Variants in C2CD2L observed in about 807,000 individuals in gnomAD.
The protein encoded by C2CD2L is C2CD2 like, also known as phospholipid transfer protein C2CD2L.
Under a neutral mutation model 69.9 loss-of-function variants are expected in C2CD2L, and 24 were observed. The ratio of observed to expected loss-of-function variants is 0.34; its 90% CI spans 0.25 to 0.48. The LOEUF (loss-of-function observed/expected upper bound fraction) is 0.48, where lower values mean the gene tolerates loss of function less well. Among genes scored for constraint, C2CD2L ranks in the 20% least tolerant of loss-of-function variants. The probability of loss-of-function intolerance (pLI) is 0.99; values close to 1 mark genes in which losing one functional copy is unlikely to be tolerated. For missense variants in C2CD2L, 811 were observed against 941.5 expected (o/e 0.86, Z 1.81); for synonymous variants, 367 against 391.0 (o/e 0.94, Z 0.72).
intron 4 of C2CD2L, 46 bp downstream of exon 4, chr11:119,111,003 G>T: frequency 6.2e-7 from 1 of 1,612,984 alleles, no homozygotes; most frequent in Non-Finnish European, 8.5e-7. Context: ...GGGGAGGGAG[G>T]CAGAGGTGGG....
Position 119,110,670 on chromosome 11 carries a change from C to T in C2CD2L, c.560C>T (p.Pro187Leu). 1.2e-6 allele frequency: 2 copies of T among 1,613,872 alleles called. No homozygotes were observed. Among genetic ancestry groups the T allele is most frequent in the Non-Finnish European group, 1.7e-6 (2 of 1,180,034 alleles). The change falls in exon 3 of 14, where the codon CCA becomes CTA. Residue 187 changes from proline to leucine, a missense_variant. Transcript: ENST00000648610. The surrounding 1 kb of genome is among the most constrained non-coding windows in gnomAD (Gnocchi z 5.7). The stretch of plus-strand genomic sequence containing the variant: ...ACCTACCACGTCACTCTGACACTGC[C>T]ACCAACACAGGTAGAAGGGGATGTG... Reference protein sequence around the residue: ...METYHVTLTLPPTQLEVNLEE... With the variant: ...METYHVTLTLLPTQLEVNLEE...
chr11:119,113,525 C>G (rs1330588193), intron 10 of C2CD2L, 86 bp from the exon 11 acceptor site: 3 of 1,503,338 alleles, frequency 2.0e-6, no homozygotes, highest in Non-Finnish European at 2.7e-6. Context: ...TCTGAGTCAC[C>G]CAAAGTCTGC....
chr11:119,102,745 C>T (rs1388932827), upstream of C2CD2L, among the ~76,000 whole-genome samples: 2 of 151,772 alleles, frequency 1.3e-5, no homozygotes. Flanking sequence ...TCCTGTGAGT[C>T]TGAGGAACTC....
At chr11:119,103,889 C>T (rs1378990714), upstream of C2CD2L, among the ~76,000 whole-genome samples, 1 of 152,148 alleles carries the variant, frequency 6.6e-6, no homozygotes, top group Admixed American at 6.5e-5. Context: ...TGTGTATGCA[C>T]GTGTGCCCCT....
In C2CD2L at chr11:119,114,208, T is replaced by G; in HGVS notation, c.1752T>G (p.Ser584=). The G allele has an allele frequency of 2.5e-6, 4 of 1,614,034 alleles. No homozygotes were observed. Among genetic ancestry groups the G allele is most frequent in the Non-Finnish European group, 3.4e-6 (4 of 1,179,994 alleles). The part of the protein sequence containing the change: ...SSPPSDPPAM[S]PGPLDALSSP... ...CTCCCTCAGACCCACCAGCCATGTC[T>G]CCAGGACCGCTAGATGCCCTCTCTA... The change falls in exon 13 of 14, where the codon TCT becomes TCG. Residue 584 remains serine, a synonymous_variant. Transcript: ENST00000648610. This position sits in a 1 kb window ranked among gnomAD's most constrained non-coding sequence, Gnocchi z 5.1.
chr11:119,109,701 T>C lies in C2CD2L; in HGVS notation c.355-403T>C, dbSNP rs1946685992. Among the ~76,000 whole-genome samples, 1 of 152,254 alleles carries C rather than the reference T, an allele frequency of 6.6e-6. No individual in the cohort carries two copies. The highest frequency in any genetic ancestry group is 2.1e-4 in the South Asian group (1 of 4,838). ...TTTCCCTCTGCCCAGCTATTATATA[T>C]AGGTGGCAACCAGCACCTTAACTTT... On this transcript the variant is annotated intron_variant, in intron 1 of 13. Transcript: ENST00000648610. The surrounding 1 kb of genome is among the most constrained non-coding windows in gnomAD (Gnocchi z 5.1).
intron 1 of C2CD2L, 50 bp downstream of exon 1, chr11:119,108,145 G>A: frequency 7.6e-7 from 1 of 1,321,592 alleles, no homozygotes; most frequent in South Asian, 1.3e-5. Flanking sequence ...TCCTTCCAGG[G>A]GAGGGACTGA....
chr11:119,102,399 AAC>A, upstream of C2CD2L: 1 of 461,172 alleles, frequency 2.2e-6, no homozygotes, highest in Non-Finnish European at 4.5e-6. Flanking sequence ...AGTTCCCGGA[AAC>A]AAAGCTACGA....
At chr11:119,113,485 T>C in intron 10 of C2CD2L, 126 bp from the exon 11 acceptor site, 1 of 1,404,018 alleles carries the variant, frequency 7.1e-7, no homozygotes, top group South Asian at 1.4e-5. Context: ...ATCACCCTTG[T>C]GATTAATCAC....
chr11:119,114,960 A>T lies in C2CD2L; in HGVS notation c.1909+595A>T, dbSNP rs1305527. 46,298 of 148,460 alleles carry T rather than the reference A, an allele frequency of 0.31. 7,650 individuals are homozygous for T. The highest frequency in any genetic ancestry group is 0.49 in the East Asian group (2,389 of 4,902). 9.2% of individuals were successfully genotyped at this position (148,460 alleles called of 1,614,324 possible). On this transcript the variant is annotated intron_variant, in intron 13 of 13. Transcript: ENST00000648610. This position sits in a 1 kb window ranked among gnomAD's most constrained non-coding sequence, Gnocchi z 5.1. ...AGAGTGAGACCCTGTCTCAAAAAAA[A>T]TTTTTTTTTTCCATGGCTGGGCACG...
chr11:119,112,422 G>A, intron 8 of C2CD2L, 30 bp downstream of exon 8: 3 of 1,613,818 alleles, frequency 1.9e-6, no homozygotes, highest in Non-Finnish European at 2.5e-6. Context: ...GGCACCCCTG[G>A]GTGGGTACAG....
At position 119,110,094 on chromosome 11, in the gene C2CD2L, A is replaced by G. The variant is rs1946695239; in HGVS notation, c.355-10A>G. ...AGAGACCTGATCCAATGCCCACATT[A>G]CTCCCTCAGAGCTCCATCCAAATCG... On this transcript the variant is annotated splice_polypyrimidine_tract_variant and intron_variant, in intron 1 of 13. Coordinates refer to ENST00000648610, the MANE Select transcript of C2CD2L (RefSeq NM_001290474.2). The surrounding 1 kb of genome is among the most constrained non-coding windows in gnomAD (Gnocchi z 5.7). The G allele has an allele frequency of 1.9e-6, 3 of 1,599,324 alleles. No homozygotes were observed. The East Asian group carries it at 6.7e-5, about 36-fold the overall frequency.
At position 119,112,317 on chromosome 11, in the gene C2CD2L, T is replaced by C. The variant is rs1423587600; in HGVS notation, c.1020-11T>C. On this transcript the variant is annotated splice_polypyrimidine_tract_variant and intron_variant, in intron 7 of 13. Coordinates refer to ENST00000648610, the MANE Select transcript of C2CD2L (RefSeq NM_001290474.2). ...TTTCTCCTTCCTGCCCCATCTCCTC[T>C]TGTCCCACAGGGATCTGGGCCCCCA... is the stretch of plus-strand genomic sequence containing the variant. 1.9e-6 allele frequency: 3 copies of C among 1,610,984 alleles called. No individual in the cohort carries two copies. The highest frequency in any genetic ancestry group is 2.2e-5 in the South Asian group (2 of 90,732).
Position 119,112,787 on chromosome 11 carries a change from G to A in C2CD2L, c.1300G>A (p.Glu434Lys), listed in dbSNP as rs1860451547. 3 of 1,614,044 alleles carry A rather than the reference G, an allele frequency of 1.9e-6. No homozygotes were observed. Among genetic ancestry groups the A allele is most frequent in the Non-Finnish European group, 1.7e-6 (2 of 1,179,962 alleles). The change falls in exon 10 of 14, where the codon GAG becomes AAG. Residue 434 changes from glutamate (E) to lysine (K), a missense_variant. Coordinates refer to ENST00000648610, the MANE Select transcript of C2CD2L (RefSeq NM_001290474.2). Reference sequence around the variant, plus strand: ...CAGCATCACACCTACCAAGAAGATTGAGCTTGACCGGACCATCATGCCCGA... The same window carrying A: ...CAGCATCACACCTACCAAGAAGATTAAGCTTGACCGGACCATCATGCCCGA... The part of the protein sequence containing the change: ...RPSITPTKKI[E>K]LDRTIMPDGT...
At position 119,107,630 on chromosome 11, in the gene C2CD2L, G is replaced by T. The variant is rs182041683; in HGVS notation, c.-112G>T. 20 of 558,700 alleles carry T rather than the reference G, an allele frequency of 3.6e-5. No homozygotes were observed. In the African/African-American group the frequency reaches 3.8e-4, roughly 11 times the overall value. The allele number at this position is 558,700 out of a possible 1,614,324, so 34.6% of individuals were successfully genotyped here. ...TCAGCCGCGGAGAGCCCCCGACCCC[G>T]CGCGCCCAGCCCCGGGGGAGCCCAC... On this transcript the variant is annotated 5_prime_UTR_variant, in exon 1 of 14. Transcript: ENST00000648610. This position sits in a 1 kb window ranked among gnomAD's most constrained non-coding sequence, Gnocchi z 5.4.
At chr11:119,107,147 C>T (rs935526084), upstream of C2CD2L, 4 of 152,268 alleles carry the variant, frequency 2.6e-5, no homozygotes, top group East Asian at 3.8e-4. The surrounding 1 kb of genome is among the most constrained non-coding windows in gnomAD (Gnocchi z 5.4). Context: ...TTACTCTTGC[C>T]TTGAGCTGAG....
chr11:119,117,980 G>A lies in C2CD2L; in HGVS notation c.*1724G>A, dbSNP rs1197333965. ...GGGTGTTTAGGGCACATGCCTTTGG[G>A]TAGATAGCATGTGGAAATTGTTACT... On this transcript the variant is annotated 3_prime_UTR_variant, in exon 14 of 14. Transcript: ENST00000648610. The A allele has an allele frequency of 6.6e-6, 1 of 152,150 alleles. No individual in the cohort carries two copies. The highest frequency in any genetic ancestry group is 1.5e-5 in the Non-Finnish European group (1 of 68,028). The allele number at this position is 152,150 out of a possible 1,614,324, so 9.4% of individuals were successfully genotyped here.
chr11:119,114,025 G>A lies in C2CD2L; in HGVS notation c.1623+37G>A, dbSNP rs1443668405. The A allele has an allele frequency of 6.2e-7, 1 of 1,613,350 alleles. No individual in the cohort carries two copies. The highest frequency in any genetic ancestry group is 1.3e-5 in the African/African-American group (1 of 75,012). ...CTGGGGAGAGGAGCTGGGATGGGGA[G>A]AAAGCCCTAATGGGTCGGTCACTCC... On this transcript the variant is annotated intron_variant, in intron 12 of 13. Coordinates refer to ENST00000648610, the MANE Select transcript of C2CD2L (RefSeq NM_001290474.2). The surrounding 1 kb of genome is among the most constrained non-coding windows in gnomAD (Gnocchi z 5.1).
In C2CD2L at chr11:119,113,926, G is replaced by A. The variant is rs1946817675; in HGVS notation, c.1561G>A (p.Gly521Arg). The change falls in exon 12 of 14, where the codon GGG becomes AGG. Residue 521 changes from glycine to arginine, a missense_variant. Gly to Arg is a moderately radical substitution (Grantham distance 125). Coordinates refer to ENST00000648610, the MANE Select transcript of C2CD2L (RefSeq NM_001290474.2). Reference sequence around the variant, plus strand: ...GATTCGCCAGCTGACAGAGCCCAGTGGGCGGGTGGCCAAGAAGACACCCAC... The same window carrying A: ...GATTCGCCAGCTGACAGAGCCCAGTAGGCGGGTGGCCAAGAAGACACCCAC... Reference protein sequence around the residue: ...TAIRQLTEPSGRVAKKTPTKR... With the variant: ...TAIRQLTEPSRRVAKKTPTKR... 6.2e-7 allele frequency: 1 copy of A among 1,614,198 alleles called. No individual in the cohort carries two copies. Among genetic ancestry groups the A allele is most frequent in the Non-Finnish European group, 8.5e-7 (1 of 1,180,030 alleles).
Sources: allele counts gnomAD v4.1 joint callset (sites outside exome capture counted in the v4.1 genomes callset), GRCh38; gene constraint gnomAD v4.1.1; non-coding constraint Gnocchi (gnomAD v3.1); transcripts MANE v1.5; gene names NCBI Gene and HGNC (gene_info 2026-07-23, HGNC 2026-07-21).